Variants in IL1RAP observed in about 807,000 individuals in gnomAD.
The protein encoded by IL1RAP is interleukin 1 receptor accessory protein.
IL1RAP carries 35 observed loss-of-function variants against 60.7 expected under a neutral mutation model. The observed-to-expected ratio is 0.58, with a 90% confidence interval of 0.44 to 0.76. The LOEUF is 0.76. Among genes scored for constraint, IL1RAP ranks in the 30% least tolerant of loss-of-function variants. The pLI is 0.00. For missense variants in IL1RAP, 572 were observed against 693.9 expected, an observed-to-expected ratio of 0.82 and a Z score of 1.97; for synonymous variants, 268 against 250.9, an observed-to-expected ratio of 1.07 and a Z score of -0.64.
intron 3 of IL1RAP, among the ~76,000 whole-genome samples, chr3:190,599,032 T>A (rs1729622219): frequency 6.6e-6 from 1 of 152,210 alleles, no homozygotes; most frequent in South Asian, 2.1e-4. Context: ...ATTTTTCACA[T>A]TTTTCACACT....
chr3:190,578,368 C>T (rs2108670811), intron 3 of IL1RAP, among the ~76,000 whole-genome samples: 1 of 152,220 alleles, frequency 6.6e-6, no homozygotes, highest in African/African-American at 2.4e-5. Context: ...ATAGTTTAAG[C>T]CTTGGCTCTT....
chr3:190,636,024 A>G (rs1234814241), intron 9 of IL1RAP, among the ~76,000 whole-genome samples: 2 of 152,120 alleles, frequency 1.3e-5, no homozygotes, highest in Non-Finnish European at 2.9e-5. Context: ...TGCACACTTG[A>G]TTCTAATTTC....
rs529258681 is a variant in IL1RAP, at chr3:190,558,961, C to T, written c.-2+2745C>T. ...GGTCAGAAGGCCAAGAACAATGTGG[C>T]TTAGCTGGTTCCCTGCTTAGGGTTT... On this transcript the variant is annotated intron_variant, in intron 2 of 11. Transcript: ENST00000447382. Among the ~76,000 whole-genome samples, 4 of 152,282 alleles carry T rather than the reference C, an allele frequency of 2.6e-5. No homozygotes were observed. In the South Asian group the frequency reaches 6.2e-4, roughly 24 times the overall value.
chr3:190,534,177 A>G (rs1723229510), intron 1 of IL1RAP, among the ~76,000 whole-genome samples: 2 of 152,070 alleles, frequency 1.3e-5, no homozygotes, highest in South Asian at 4.1e-4. Flanking sequence ...AGTGGGTCCT[A>G]CCGATCGGTG....
intron 9 of IL1RAP, among the ~76,000 whole-genome samples, chr3:190,636,510 C>A (rs1054689701): frequency 6.6e-6 from 1 of 151,772 alleles, no homozygotes; most frequent in East Asian, 1.9e-4. Context: ...GTAGCCATTC[C>A]AGCTTTCTTT....
At position 190,650,987 on chromosome 3, in the gene IL1RAP, T is replaced by C. The variant is rs1012343407; in HGVS notation, c.*2282T>C. On this transcript the variant is annotated 3_prime_UTR_variant, in exon 12 of 12. Coordinates refer to ENST00000447382, the MANE Select transcript of IL1RAP (RefSeq NM_002182.4). Reference sequence around the variant, plus strand: ...GTTTTTTCTATTTATATGCCTGCCTTTGGTACTTAATTTTACAAATGCTGT... The same window carrying C: ...GTTTTTTCTATTTATATGCCTGCCTCTGGTACTTAATTTTACAAATGCTGT... The C allele has an allele frequency of 1.3e-5, 13 of 985,190 alleles. No homozygotes were observed. Among genetic ancestry groups the C allele is most frequent in the Non-Finnish European group, 1.6e-5 (13 of 829,852 alleles). 61.0% of individuals were successfully genotyped at this position (985,190 alleles called of 1,614,324 possible).
intron 10 of IL1RAP, among the ~76,000 whole-genome samples, chr3:190,644,986 T>C (rs1175942104): frequency 3.9e-5 from 6 of 152,226 alleles, no homozygotes; most frequent in Non-Finnish European, 8.8e-5. Flanking sequence ...TGTAGCTTAT[T>C]AGAAGAAGAA....
chr3:190,636,912 T>A (rs1401255295), intron 9 of IL1RAP, among the ~76,000 whole-genome samples: 1 of 152,182 alleles, frequency 6.6e-6, no homozygotes, highest in Admixed American at 6.5e-5. Context: ...TTTTATTTTA[T>A]CACTTTTTTG....
chr3:190,655,294 C>T (rs566294586), downstream of IL1RAP, among the ~76,000 whole-genome samples: 1 of 151,960 alleles, frequency 6.6e-6, no homozygotes, highest in Non-Finnish European at 1.5e-5. Flanking sequence ...AAATGGTAAA[C>T]ATGCAGAGGA....
Position 190,644,269 on chromosome 3 carries a change from T to C in IL1RAP, c.1073T>C (p.Val358Ala). The C allele has an allele frequency of 6.2e-7, 1 of 1,613,670 alleles. No individual in the cohort carries two copies. Among genetic ancestry groups the C allele is most frequent in the Non-Finnish European group, 8.5e-7 (1 of 1,179,810 alleles). Residue 358 changes from valine (V) to alanine (A), a missense_variant, in exon 10 of 12, where the codon GTG (valine) becomes GCG (alanine). By Grantham distance (64) the Val-to-Ala change is moderately conservative. Coordinates refer to ENST00000447382, the MANE Select transcript of IL1RAP (RefSeq NM_002182.4). ...KQKVPAPRYT[V>A]ELACGFGATV... ...CCAGTGCCAGCTCCAAGATACACAG[T>C]GGAACTGGCTTGTGGTTTTGGAGCC...
intron 3 of IL1RAP, among the ~76,000 whole-genome samples, chr3:190,568,144 A>G (rs1726585045): frequency 6.6e-6 from 1 of 152,224 alleles, no homozygotes; most frequent in African/African-American, 2.4e-5. Flanking sequence ...AGGCACACAC[A>G]CGGATCTTTG....
chr3:190,562,274 T>C (rs931284488), intron 2 of IL1RAP, among the ~76,000 whole-genome samples: 2 of 152,202 alleles, frequency 1.3e-5, no homozygotes, highest in Non-Finnish European at 2.9e-5. Flanking sequence ...TCTTCTTTTA[T>C]TGTCTTGGCT....
intron 2 of IL1RAP, among the ~76,000 whole-genome samples, chr3:190,558,457 T>C (rs1382410693): frequency 3.3e-5 from 5 of 152,204 alleles, no homozygotes; most frequent in African/African-American, 9.6e-5. Context: ...TTGTCAGTAT[T>C]TATTTTTTAA....
intron 1 of IL1RAP, among the ~76,000 whole-genome samples, chr3:190,525,810 A>G (rs1032806794): frequency 6.6e-6 from 1 of 152,196 alleles, no homozygotes; most frequent in African/African-American, 2.4e-5. Flanking sequence ...GCATTAAGTA[A>G]TGGATGGAAA....
At chr3:190,590,738 G>A (rs7628250) in intron 3 of IL1RAP, among the ~76,000 whole-genome samples, 126,225 of 152,214 alleles carry the variant, frequency 0.83, 52,562 homozygotes, top group African/African-American at 0.9. Flanking sequence ...CAGTATTAAC[G>A]TTGTCTGTTC....
rs527513035 is a variant in IL1RAP at position 190,572,158 on chromosome 3, CT to C, written c.64+7807del. ...CCTGAGTTAACCTGAATGCCCTATC[CT>C]TCTCTAGCGTTTGGGACTTCAGACT... On this transcript the variant is annotated intron_variant, in intron 3 of 11. Coordinates refer to ENST00000447382, the MANE Select transcript of IL1RAP (RefSeq NM_002182.4). Among the ~76,000 whole-genome samples the C allele has an allele frequency of 8.7e-4, 133 of 152,260 alleles. 1 individual carries two copies. The highest frequency in any genetic ancestry group is 4.6e-3 in the South Asian group (22 of 4,826).
chr3:190,576,022 G>A (rs1048090597), intron 3 of IL1RAP, among the ~76,000 whole-genome samples: 1 of 151,662 alleles, frequency 6.6e-6, no homozygotes, highest in Non-Finnish European at 1.5e-5. Flanking sequence ...GTCAGAGGAA[G>A]GAGATATATT....
chr3:190,656,555 C>T (rs1411339380), exon 12 of IL1RAP: 18 of 1,535,788 alleles, frequency 1.2e-5, no homozygotes, highest in Non-Finnish European at 1.5e-5. Context: ...TCAGCCCTTG[C>T]TCTTCATCAT....
intron 1 of IL1RAP, among the ~76,000 whole-genome samples, chr3:190,549,688 G>C (rs78010804): frequency 0.022 from 3,377 of 151,970 alleles, 128 homozygotes; most frequent in African/African-American, 0.074. Flanking sequence ...ATCATGTCAG[G>C]CTTCTGGGTT....
Sources: gnomAD v4.1 joint callset for allele counts (sites outside exome capture counted in the v4.1 genomes callset) on GRCh38, gnomAD v4.1.1 for gene constraint, MANE v1.5 for transcripts, NCBI Gene and HGNC (gene_info 2026-07-23, HGNC 2026-07-21) for gene names.